Variants in ANO2 observed in about 807,000 individuals in gnomAD.
ANO2 encodes the protein anoctamin 2, also known as anoctamin-2.
A neutral mutation model predicts 124.2 loss-of-function variants in ANO2; 101 were observed. The ratio of observed to expected loss-of-function variants is 0.81; its 90% CI spans 0.69 to 0.96. The LOEUF is 0.96. Among genes scored for constraint, ANO2 ranks in the 40% least tolerant of loss-of-function variants. ANO2 has a pLI of 0.00. For synonymous variants in ANO2, 486 were observed against 482.5 expected, an observed-to-expected ratio of 1.01 and a Z score of -0.09; for missense variants, 1,293 against 1,274.5, an observed-to-expected ratio of 1.01 and a Z score of -0.22.
intron 3 of ANO2, among the ~76,000 whole-genome samples, chr12:5,859,272 T>G (rs1407038386): frequency 6.6e-6 from 1 of 152,226 alleles, no homozygotes; most frequent in Non-Finnish European, 1.5e-5. Flanking sequence ...GTCCCAGGCC[T>G]GTCAGTCTAA....
intron 16 of ANO2, among the ~76,000 whole-genome samples, chr12:5,621,205 CA>C (rs1945102812): frequency 6.6e-6 from 1 of 152,190 alleles, no homozygotes; most frequent in Non-Finnish European, 1.5e-5. Context: ...TCTCCATAAG[CA>C]AAGTCCCAGA....
intron 7 of ANO2, among the ~76,000 whole-genome samples, chr12:5,821,150 A>G (rs1953783948): frequency 6.6e-6 from 1 of 152,224 alleles, no homozygotes; most frequent in Non-Finnish European, 1.5e-5. Context: ...TAGCAAACAC[A>G]CCAGACTTAT....
intron 1 of ANO2, among the ~76,000 whole-genome samples, chr12:5,926,908 C>T (rs1942105452): frequency 6.6e-6 from 1 of 152,178 alleles, no homozygotes; most frequent in Admixed American, 6.5e-5. Flanking sequence ...GAGAAGGTGT[C>T]ATTATTATAT....
intron 14 of ANO2, among the ~76,000 whole-genome samples, chr12:5,727,556 C>G (rs1286440817): frequency 6.8e-6 from 1 of 147,264 alleles, no homozygotes; most frequent in East Asian, 2.0e-4. Flanking sequence ...ATGAGACTTA[C>G]AGTGACTTAA....
chr12:5,603,902 G>C (rs1372231158), intron 19 of ANO2, among the ~76,000 whole-genome samples: 1 of 122,694 alleles, frequency 8.2e-6, no homozygotes, highest in Non-Finnish European at 1.6e-5. Flanking sequence ...CTGAGATAGC[G>C]CCACTGCAGT....
intron 9 of ANO2, among the ~76,000 whole-genome samples, chr12:5,803,670 T>C (rs1391381866): frequency 6.6e-6 from 1 of 152,182 alleles, no homozygotes; most frequent in Non-Finnish European, 1.5e-5. Context: ...GGGACCCATC[T>C]ACCCCCACGC....
At chr12:5,602,938 A>C (rs1944014080) in intron 19 of ANO2, among the ~76,000 whole-genome samples, 1 of 152,272 alleles carries the variant, frequency 6.6e-6, no homozygotes, top group Non-Finnish European at 1.5e-5. Context: ...AGTATAGACG[A>C]AAGTCAAAGA....
rs544068825 is a variant in ANO2 at position 5,573,277 on chromosome 12, T to C, written c.2621+2557A>G. Reference sequence around the variant, plus strand: ...TCACCAGTGATATACCTGAAAAGCATATTCATAGGTGTTAGTGGAAAATCC... The same window carrying C: ...TCACCAGTGATATACCTGAAAAGCACATTCATAGGTGTTAGTGGAAAATCC... On this transcript the variant is annotated intron_variant, in intron 23 of 24. Coordinates refer to ENST00000682330, the MANE Select transcript of ANO2 (RefSeq NM_001364791.2). Among the ~76,000 whole-genome samples the C allele has an allele frequency of 3.3e-5, 5 of 152,282 alleles. No individual in the cohort carries two copies. In the East Asian group the frequency reaches 9.7e-4, roughly 29 times the overall value.
Position 5,709,112 on chromosome 12 carries a change from C to T in ANO2, c.1545+23408G>A, listed in dbSNP as rs530875498. Among the ~76,000 whole-genome samples, 65 of 152,224 alleles carry T rather than the reference C, an allele frequency of 4.3e-4. 1 individual carries two copies. Among genetic ancestry groups the T allele is most frequent in the Non-Finnish European group, 7.9e-4 (54 of 68,014 alleles). ...ATCACCTGAGACCATTTGCAAATTC[C>T]CTTCAGGTTCACTTTTCCAAAAGCC... is the stretch of plus-strand genomic sequence containing the variant. On this transcript the variant is annotated intron_variant, in intron 14 of 24. Coordinates refer to ENST00000682330, the MANE Select transcript of ANO2 (RefSeq NM_001364791.2).
At chr12:5,640,671 T>C (rs952402613) in intron 15 of ANO2, among the ~76,000 whole-genome samples, 1 of 152,028 alleles carries the variant, frequency 6.6e-6, no homozygotes, top group East Asian at 1.9e-4. Context: ...AAAACCACAA[T>C]GAGATACCAT....
At chr12:5,943,347 A>T (rs1338587646) in intron 1 of ANO2, among the ~76,000 whole-genome samples, 1 of 151,722 alleles carries the variant, frequency 6.6e-6, no homozygotes, top group African/African-American at 2.4e-5. Context: ...AAACAAAATA[A>T]GTCTTTTGCA....
At chr12:5,685,078 T>G (rs1405005124) in intron 14 of ANO2, among the ~76,000 whole-genome samples, 2 of 152,172 alleles carry the variant, frequency 1.3e-5, no homozygotes, top group Non-Finnish European at 1.5e-5. Flanking sequence ...CAGCAGAGAC[T>G]CATGTGACCC....
At chr12:5,617,172 T>C (rs1293742412) in intron 16 of ANO2, among the ~76,000 whole-genome samples, 1 of 151,414 alleles carries the variant, frequency 6.6e-6, no homozygotes, top group East Asian at 2.0e-4. Context: ...GATTGCACCA[T>C]ACTGCACTCT....
chr12:5,589,288 T>C (rs1943278854), intron 20 of ANO2, among the ~76,000 whole-genome samples: 1 of 151,678 alleles, frequency 6.6e-6, no homozygotes, highest in African/African-American at 2.4e-5. Context: ...AAGGAGTGCC[T>C]AATAGGCCTG....
chr12:5,677,064 A>G (rs1948278776), intron 14 of ANO2, among the ~76,000 whole-genome samples: 1 of 151,386 alleles, frequency 6.6e-6, no homozygotes, highest in South Asian at 2.1e-4. Flanking sequence ...AAAAAATAAA[A>G]AAATAAAGAA....
chr12:5,665,244 G>A (rs116304418), intron 14 of ANO2, among the ~76,000 whole-genome samples: 2,685 of 152,214 alleles, frequency 0.018, 78 homozygotes, highest in African/African-American at 0.061. Context: ...GCTGCCCTCT[G>A]TGGGTCTCAT....
At chr12:5,583,303 G>A (rs1942859901) in intron 20 of ANO2, among the ~76,000 whole-genome samples, 1 of 152,192 alleles carries the variant, frequency 6.6e-6, no homozygotes. Context: ...GAAAGTTGTA[G>A]TAAAAACAGT....
At chr12:5,722,417 G>GAATGGC (rs1950268014) in intron 14 of ANO2, among the ~76,000 whole-genome samples, 1 of 152,178 alleles carries the variant, frequency 6.6e-6, no homozygotes, top group Non-Finnish European at 1.5e-5. Flanking sequence ...TGAGGCAGGA[G>GAATGGC]AATGGCGTGA....
At chr12:5,890,358 G>C (rs1939306465) in intron 3 of ANO2, among the ~76,000 whole-genome samples, 1 of 152,202 alleles carries the variant, frequency 6.6e-6, no homozygotes, top group Admixed American at 6.5e-5. Context: ...TGTCAGAAGA[G>C]GTCCTTCTAC....
Sources: gnomAD v4.1 joint callset for allele counts (sites outside exome capture counted in the v4.1 genomes callset) on GRCh38, gnomAD v4.1.1 for gene constraint, MANE v1.5 for transcripts, NCBI Gene and HGNC (gene_info 2026-07-23, HGNC 2026-07-21) for gene names.